DSE: variants seen among roughly 807,000 people sequenced by gnomAD.
DSE encodes dermatan sulfate epimerase.
In DSE, 36 loss-of-function variants were observed where a neutral mutation model predicts 84.4. The observed-to-expected ratio is 0.43, with a 90% CI of 0.33 to 0.56. The LOEUF is 0.56. DSE is among the 20% of genes least tolerant of loss of function. The pLI, the probability that DSE is intolerant of heterozygous loss-of-function variation, is 0.06. For missense variants in DSE, 862 were observed against 1,169.6 expected (o/e 0.74, Z 3.84); for synonymous variants, 410 against 430.1 (o/e 0.95, Z 0.58).
intron 2 of DSE, among the ~76,000 whole-genome samples, chr6:116,365,214 CTT>C (rs1779096820): frequency 6.6e-6 from 1 of 151,960 alleles, no homozygotes; most frequent in South Asian, 2.1e-4. Context: ...ACACCTCAAA[CTT>C]TCTAATTTGG....
intron 2 of DSE, among the ~76,000 whole-genome samples, chr6:116,352,434 C>T (rs1401249900): frequency 6.6e-6 from 1 of 152,110 alleles, no homozygotes; most frequent in Non-Finnish European, 1.5e-5. Flanking sequence ...AAGAATCTCT[C>T]AATATGGTGC....
Position 116,442,204 on chromosome 6 carries a change from G to C in DSE, c.*4859G>C, listed in dbSNP as rs983243569. On this transcript the variant is annotated 3_prime_UTR_variant, in exon 6 of 6. Transcript: ENST00000644252. Reference sequence around the variant, plus strand: ...TGGTGTATTTAGGACTAGGAGGCCAGTGTGGCTAGAGCAGAGTGGGGGAGG... The same window carrying C: ...TGGTGTATTTAGGACTAGGAGGCCACTGTGGCTAGAGCAGAGTGGGGGAGG... The C allele has an allele frequency of 6.6e-6, 1 of 152,470 alleles. No homozygotes were observed. The highest frequency in any genetic ancestry group is 2.4e-5 in the African/African-American group (1 of 41,434). 9.4% of individuals were successfully genotyped at this position (152,470 alleles called of 1,614,324 possible).
At chr6:116,369,808 C>A, upstream of DSE, 1 of 880,062 alleles carries the variant, frequency 1.1e-6, no homozygotes, top group Non-Finnish European at 1.6e-6. Flanking sequence ...ACATTTTTTC[C>A]TTATTTGGCC....
intron 2 of DSE, among the ~76,000 whole-genome samples, chr6:116,259,461 C>G (rs1427008060): frequency 6.6e-6 from 1 of 152,142 alleles, no homozygotes; most frequent in Non-Finnish European, 1.5e-5. Flanking sequence ...GACAAAATTT[C>G]TTCAATTCAC....
intron 2 of DSE, among the ~76,000 whole-genome samples, chr6:116,323,961 G>A (rs1030347853): frequency 4.0e-5 from 6 of 150,694 alleles, no homozygotes; most frequent in Non-Finnish European, 7.4e-5. Context: ...CTTTTTTTCT[G>A]GGCCCCCTAG....
At chr6:116,392,040 T>C (rs1375056061) in intron 1 of DSE, among the ~76,000 whole-genome samples, 2 of 152,190 alleles carry the variant, frequency 1.3e-5, no homozygotes, top group African/African-American at 2.4e-5. Flanking sequence ...AATAGAAAAG[T>C]GAGGAGACCT....
At chr6:116,402,786 A>G (rs368709265) in intron 2 of DSE, among the ~76,000 whole-genome samples, 3 of 152,194 alleles carry the variant, frequency 2.0e-5, no homozygotes, top group African/African-American at 4.8e-5. Context: ...AAATGTATAC[A>G]AGAATCTAAT....
At chr6:116,393,235 G>A (rs551884642) in intron 1 of DSE, among the ~76,000 whole-genome samples, 3 of 152,164 alleles carry the variant, frequency 2.0e-5, no homozygotes, top group South Asian at 2.1e-4. Flanking sequence ...TTTCTTTGGG[G>A]CAAAACCTCT....
chr6:116,265,669 C>G (rs780571828), intron 2 of DSE, among the ~76,000 whole-genome samples: 12 of 152,102 alleles, frequency 7.9e-5, no homozygotes, highest in Non-Finnish European at 1.8e-4. Context: ...CCGAGACCAC[C>G]CTGCAAGCAG....
chr6:116,414,880 C>G (rs900696516), intron 2 of DSE, among the ~76,000 whole-genome samples: 1 of 59,044 alleles, frequency 1.7e-5, no homozygotes, highest in African/African-American at 7.5e-5. Flanking sequence ...CAGCCAGACT[C>G]TCACTCTTGT....
intron 2 of DSE, among the ~76,000 whole-genome samples, chr6:116,417,959 C>T (rs60135444): frequency 0.011 from 1,723 of 152,092 alleles, 35 homozygotes; most frequent in African/African-American, 0.04. Context: ...CTGAACTGAA[C>T]GTCAATTTGT....
chr6:116,349,885 T>C (rs191823903), intron 2 of DSE, among the ~76,000 whole-genome samples: 1 of 152,334 alleles, frequency 6.6e-6, no homozygotes, highest in African/African-American at 2.4e-5. Flanking sequence ...AAAATGATTG[T>C]TTTTGTCAAT....
chr6:116,328,967 C>T (rs942367071), intron 2 of DSE, among the ~76,000 whole-genome samples: 1 of 152,136 alleles, frequency 6.6e-6, no homozygotes, highest in Non-Finnish European at 1.5e-5. Context: ...CTGCTTACTA[C>T]GCCTGGCAGT....
rs538693205 is a variant in DSE at position 116,362,487 on chromosome 6, G to C, written c.-53-36711G>C. ...GTCATAAGGGTGGTGCCTTATAAGA[G>C]GGAGAAAGAGAAATCACTCTATCTC... On this transcript the variant is annotated intron_variant, in intron 2 of 3. Transcript: ENST00000430252. Among the ~76,000 whole-genome samples, 29 of 152,278 alleles carry C rather than the reference G, an allele frequency of 1.9e-4. No individual in the cohort carries two copies. The South Asian group carries it at 5.8e-3, about 30-fold the overall frequency.
rs1234050348 is a variant in DSE, at chr6:116,433,528, A to C, written c.1096A>C (p.Thr366Pro). Residue 366 changes from threonine to proline, a missense_variant, in exon 5 of 6, where the codon ACT (threonine) becomes CCT (proline). Around this residue, in one of 4 missense-constraint regions of DSE, gnomAD observed 309 missense variants for 516.9 expected, o/e 0.60. Coordinates refer to ENST00000644252, the MANE Select transcript of DSE (RefSeq NM_013352.4). ...ACCATCCAAAGGGCAGCGCTGGTGC[A>C]CTCTGCACACAGAATTTCTCTGGTA... Reference protein sequence around the residue: ...GTPSKGQRWCTLHTEFLWYDG... With the variant: ...GTPSKGQRWCPLHTEFLWYDG... 6.3e-7 allele frequency: 1 copy of C among 1,581,110 alleles called. No individual in the cohort carries two copies. Among genetic ancestry groups the C allele is most frequent in the Non-Finnish European group, 8.6e-7 (1 of 1,161,780 alleles).
At chr6:116,351,678 T>C (rs1438496204) in intron 2 of DSE, among the ~76,000 whole-genome samples, 1 of 152,182 alleles carries the variant, frequency 6.6e-6, no homozygotes, top group South Asian at 2.1e-4. Context: ...CTTGGATAGT[T>C]TTTCATGAAT....
At chr6:116,390,691 T>C (rs1366259909) in intron 1 of DSE, among the ~76,000 whole-genome samples, 1 of 152,198 alleles carries the variant, frequency 6.6e-6, no homozygotes, top group East Asian at 1.9e-4. Flanking sequence ...CTTCAATTGT[T>C]AGACTGCTAG....
intron 2 of DSE, among the ~76,000 whole-genome samples, chr6:116,270,225 T>A (rs1247015449): frequency 6.6e-6 from 1 of 152,146 alleles, no homozygotes; most frequent in Non-Finnish European, 1.5e-5. Flanking sequence ...AAATTACATT[T>A]CCCTCATTGT....
chr6:116,382,778 A>G (rs1780321227), intron 1 of DSE, among the ~76,000 whole-genome samples: 1 of 152,074 alleles, frequency 6.6e-6, no homozygotes, highest in Non-Finnish European at 1.5e-5. Context: ...GCAAGAGAGA[A>G]ATTTTTCCCC....
Sources: gnomAD v4.1 joint callset for allele counts (sites outside exome capture counted in the v4.1 genomes callset) on GRCh38, gnomAD v4.1.1 for gene constraint, gnomAD v4.1.1 regional missense constraint, MANE v1.5 for transcripts, NCBI Gene and HGNC (gene_info 2026-07-23, HGNC 2026-07-21) for gene names.